MAPKBP1: variants seen among roughly 807,000 people sequenced by gnomAD.
MAPKBP1 encodes mitogen-activated protein kinase-binding protein 1.
In MAPKBP1, 71 loss-of-function variants were observed where a neutral mutation model predicts 170.5. That is an observed-to-expected ratio of 0.42 (90% confidence interval 0.34 to 0.51). The LOEUF is 0.51. Ranked by LOEUF, MAPKBP1 falls within the 20% of genes least tolerant of loss-of-function variation. The pLI, the probability that MAPKBP1 is intolerant of heterozygous loss-of-function variation, is 0.06. For missense variants in MAPKBP1, 1,598 were observed against 1,933.0 expected, an observed-to-expected ratio of 0.83 and a Z score of 3.25; for synonymous variants, 719 against 757.9, an observed-to-expected ratio of 0.95 and a Z score of 0.84.
chr15:41,811,914 T>C, intron 5 of MAPKBP1, 43 bp from the exon 6 acceptor site: 1 of 1,607,740 alleles, frequency 6.2e-7, no homozygotes, highest in South Asian at 1.1e-5. Context: ...TGTATGCCTG[T>C]GGAGAAGTCA....
chr15:41,813,487 G>C (rs771413942), intron 8 of MAPKBP1, 134 bp from the exon 9 acceptor site: 1 of 1,410,282 alleles, frequency 7.1e-7, no homozygotes, highest in Non-Finnish European at 9.9e-7. Context: ...GCTCAGAACA[G>C]GGCAGCTGGG....
At chr15:41,808,948 C>T (rs2064754290) in intron 3 of MAPKBP1, among the ~76,000 whole-genome samples, 1 of 151,834 alleles carries the variant, frequency 6.6e-6, no homozygotes, top group South Asian at 2.1e-4. Context: ...TGCCTGTAAT[C>T]CCAGCTACTT....
chr15:41,821,107 G>C (rs1288064469), intron 23 of MAPKBP1, 39 bp downstream of exon 23: 1 of 1,598,102 alleles, frequency 6.3e-7, no homozygotes, highest in East Asian at 2.2e-5. Flanking sequence ...AGAGTTCCAA[G>C]GGGCCTTAGG....
At chr15:41,779,501 G>A (rs959367355) in intron 2 of MAPKBP1, among the ~76,000 whole-genome samples, 10 of 152,046 alleles carry the variant, frequency 6.6e-5, no homozygotes, top group Admixed American at 3.3e-4. Context: ...GAGCCACCAC[G>A]CCCGGCCAGT....
chr15:41,806,061 C>G (rs1049685710), intron 3 of MAPKBP1, among the ~76,000 whole-genome samples: 9 of 152,210 alleles, frequency 5.9e-5, no homozygotes, highest in Non-Finnish European at 1.0e-4. Flanking sequence ...GACATATTCA[C>G]TTGTTTACAA....
intron 3 of MAPKBP1, among the ~76,000 whole-genome samples, chr15:41,810,328 G>T (rs916056555): frequency 6.6e-6 from 1 of 152,110 alleles, no homozygotes; most frequent in East Asian, 1.9e-4. Flanking sequence ...GGCCTGGCTG[G>T]GGGGACAGGC....
intron 3 of MAPKBP1, among the ~76,000 whole-genome samples, chr15:41,800,313 C>T (rs2064567299): frequency 6.6e-6 from 1 of 152,172 alleles, no homozygotes; most frequent in South Asian, 2.1e-4. Context: ...GCACCCATCA[C>T]CACAATCAAA....
chr15:41,782,787 AAG>A (rs958341507), intron 2 of MAPKBP1, among the ~76,000 whole-genome samples: 2 of 151,962 alleles, frequency 1.3e-5, no homozygotes, highest in African/African-American at 4.8e-5. Context: ...ACAGTTCCCA[AAG>A]AGGGGGAAAA....
At chr15:41,799,559 T>C (rs980606787) in intron 2 of MAPKBP1, among the ~76,000 whole-genome samples, 5 of 152,190 alleles carry the variant, frequency 3.3e-5, no homozygotes, top group African/African-American at 1.2e-4. Flanking sequence ...CCATGAGTTA[T>C]GCTTTAACGA....
intron 2 of MAPKBP1, among the ~76,000 whole-genome samples, chr15:41,797,013 C>T (rs765543810): frequency 6.6e-6 from 1 of 152,180 alleles, no homozygotes; most frequent in Non-Finnish European, 1.5e-5. Flanking sequence ...GCACACACGT[C>T]TCTATATACT....
intron 2 of MAPKBP1, among the ~76,000 whole-genome samples, chr15:41,788,218 A>G (rs1233137885): frequency 6.6e-6 from 1 of 152,180 alleles, no homozygotes; most frequent in Non-Finnish European, 1.5e-5. Flanking sequence ...GGCCTCCCAG[A>G]GTGCTGGGAT....
At chr15:41,822,731 G>A (rs2065021827) in intron 27 of MAPKBP1, 54 bp downstream of exon 27, 1 of 1,590,352 alleles carries the variant, frequency 6.3e-7, no homozygotes, top group African/African-American at 1.3e-5. Flanking sequence ...CGCCTCCCAG[G>A]GCTGCTGCCC....
intron 12 of MAPKBP1, 141 bp downstream of exon 12, chr15:41,815,940 G>A (rs1452206383): frequency 2.5e-6 from 2 of 815,978 alleles, no homozygotes; most frequent in African/African-American, 1.7e-5. Context: ...TTCACAATGA[G>A]TAAACCTAGC....
intron 13 of MAPKBP1, 61 bp from the exon 14 acceptor site, chr15:41,816,849 C>G: frequency 6.5e-7 from 1 of 1,550,324 alleles, no homozygotes; most frequent in Non-Finnish European, 8.7e-7. Flanking sequence ...GGGCTCTTTG[C>G]CAGGCCCAGA....
chr15:41,820,866 C>T lies in MAPKBP1; in HGVS notation c.2516C>T (p.Pro839Leu), dbSNP rs770572848. 6.2e-7 allele frequency: 1 copy of T among 1,614,054 alleles called. No homozygotes were observed. Among genetic ancestry groups the T allele is most frequent in the South Asian group, 1.1e-5 (1 of 91,046 alleles). ...TCCGTGGGGTTCCTGGACCCAGCTC[C>T]TGCAGCCAACCCAGGACCCAGAAGA... ...QESVGFLDPA[P>L]AANPGPRRRG... Residue 839 changes from proline (P) to leucine (L), a missense_variant, in exon 23 of 31, where the codon CCT becomes CTT. Coordinates refer to ENST00000457542, the MANE Select transcript of MAPKBP1 (RefSeq NM_014994.3).
At position 41,822,280 on chromosome 15, in the gene MAPKBP1, G is replaced by A. The variant is rs773705138; in HGVS notation, c.3087G>A (p.Glu1029=). The A allele has an allele frequency of 5.6e-6, 9 of 1,614,076 alleles. No individual in the cohort carries two copies. The highest frequency in any genetic ancestry group is 5.1e-6 in the Non-Finnish European group (6 of 1,180,006). ...SVDGISSDLE[E]PAEGDEEEEE... ...ATGGCATCTCCTCAGACCTTGAAGA[G>A]CCAGCTGAGGGTGATGAAGAAGAGG... is the stretch of plus-strand genomic sequence containing the variant. The change falls in exon 26 of 31, where the codon GAG becomes GAA. Residue 1029 remains glutamate, a synonymous_variant. Transcript: ENST00000457542.
chr15:41,808,955 A>G (rs1258229536), intron 3 of MAPKBP1, among the ~76,000 whole-genome samples: 1 of 151,942 alleles, frequency 6.6e-6, no homozygotes, highest in African/African-American at 2.4e-5. Context: ...AATCCCAGCT[A>G]CTTGGGAGGC....
In MAPKBP1 at chr15:41,817,042, G is replaced by T. The variant is rs1461237032; in HGVS notation, c.1711+7G>T. On this transcript the variant is annotated splice_region_variant and intron_variant, in intron 14 of 30. Transcript: ENST00000457542. The surrounding 1 kb of genome is among the most constrained non-coding windows in gnomAD (Gnocchi z 4.2). ...ACTGCTGTTAAGTTTGCAGGTGCGG[G>T]CAGGGTGAATGAGACACATCCTGCC... The T allele has an allele frequency of 1.3e-6, 2 of 1,577,688 alleles. No individual in the cohort carries two copies. Among genetic ancestry groups the T allele is most frequent in the Admixed American group, 1.8e-5 (1 of 56,384 alleles).
chr15:41,778,794 G>C (rs923640500), intron 2 of MAPKBP1, among the ~76,000 whole-genome samples: 1 of 152,176 alleles, frequency 6.6e-6, no homozygotes, highest in African/African-American at 2.4e-5. Flanking sequence ...TGTTTTCAAG[G>C]ACAAAGGATA....
Sources: allele counts gnomAD v4.1 joint callset (sites outside exome capture counted in the v4.1 genomes callset), GRCh38; gene constraint gnomAD v4.1.1; non-coding constraint Gnocchi (gnomAD v3.1); transcripts MANE v1.5; gene names NCBI Gene and HGNC (gene_info 2026-07-23, HGNC 2026-07-21).